MAPK6: variants seen among roughly 807,000 people sequenced by gnomAD.
MAPK6 encodes mitogen-activated protein kinase 6.
In MAPK6, 19 loss-of-function variants were observed where a neutral mutation model predicts 59.3. The ratio of observed to expected loss-of-function variants is 0.32; its 90% CI spans 0.22 to 0.47. MAPK6 has a LOEUF of 0.47. MAPK6 is among the 20% of genes least tolerant of loss of function. The pLI, the probability that MAPK6 is intolerant of heterozygous loss-of-function variation, is 1.00. For synonymous variants in MAPK6, 316 were observed against 290.3 expected, an observed-to-expected ratio of 1.09 and a Z score of -0.90; for missense variants, 724 against 847.9, an observed-to-expected ratio of 0.85 and a Z score of 1.81.
rs964775744 is a variant in MAPK6, at chr15:51,998,687, A to ATTTTTTTTTTTTTTTTTTTTTTTTTTT, written c.-769-5557_-769-5556insTTTTTTTTTTTTTTTTTTTTTTTTTTT. Reference sequence around the variant, plus strand: ...AGGCGTGCGCCACCATGCCTGGTTAATTTTTTTTTTTTTTTTTTTTTGAGA... The same window carrying ATTTTTTTTTTTTTTTTTTTTTTTTTTT: ...AGGCGTGCGCCACCATGCCTGGTTAATTTTTTTTTTTTTTTTTTTTTTTTTTTTTTTTTTTTTTTTTTTTTTTTGAGA... On this transcript the variant is annotated intron_variant, in intron 2 of 7. Transcript: ENST00000691380. Among the ~76,000 whole-genome samples the ATTTTTTTTTTTTTTTTTTTTTTTTTTT allele has an allele frequency of 2.1e-4, 8 of 38,494 alleles. 2 individuals are homozygous for ATTTTTTTTTTTTTTTTTTTTTTTTTTT. Among genetic ancestry groups the ATTTTTTTTTTTTTTTTTTTTTTTTTTT allele is most frequent in the Non-Finnish European group, 3.3e-4 (7 of 21,536 alleles). 25.3% of individuals were successfully genotyped at this position (38,494 alleles called of 152,430 possible).
At position 52,020,554 on chromosome 15, in the gene MAPK6, C is replaced by T. The variant is rs370199241; in HGVS notation, c.-632+1178C>T. Among the ~76,000 whole-genome samples, 42 of 152,104 alleles carry T rather than the reference C, an allele frequency of 2.8e-4. 4 individuals carry two copies. The highest frequency in any genetic ancestry group is 1.9e-3 in the South Asian group (9 of 4,822). ...CAGCTTCAGAGTAATTTTCTGATGG[C>T]TGATTCTTCTAGCCTGTCTCTTACA... On this transcript the variant is annotated intron_variant, in intron 1 of 5. Coordinates refer to ENST00000261845, the MANE Select transcript of MAPK6 (RefSeq NM_002748.4).
At chr15:52,018,037 A>T, upstream of MAPK6, 1 of 148,848 alleles carries the variant, frequency 6.7e-6, no homozygotes, top group South Asian at 2.1e-4. Flanking sequence ...TTACTCTGTG[A>T]TTTTTTTTTT....
intron 1 of MAPK6, among the ~76,000 whole-genome samples, chr15:52,036,161 G>A (rs1460466330): frequency 1.3e-5 from 2 of 152,100 alleles, no homozygotes; most frequent in Admixed American, 6.6e-5. Context: ...GCAAGACCTT[G>A]TCTCTTAAAA....
At chr15:52,001,543 C>T (rs2057241982) in intron 2 of MAPK6, among the ~76,000 whole-genome samples, 1 of 138,368 alleles carries the variant, frequency 7.2e-6, no homozygotes, top group African/African-American at 2.7e-5. Context: ...GAGTCCCACT[C>T]TGTCACCCAG....
intron 1 of MAPK6, among the ~76,000 whole-genome samples, chr15:52,025,135 T>C (rs2030717571): frequency 6.6e-6 from 1 of 152,068 alleles, no homozygotes; most frequent in Non-Finnish European, 1.5e-5. Context: ...CAGCTACTTA[T>C]GAGGCTGAGA....
intron 1 of MAPK6, among the ~76,000 whole-genome samples, chr15:52,032,406 T>G (rs946524797): frequency 1.0e-4 from 15 of 149,142 alleles, no homozygotes; most frequent in African/African-American, 3.7e-4. Context: ...GCCAGGCTGG[T>G]CTTGAACTCC....
At chr15:51,987,194 A>G (rs1008804421) in intron 2 of MAPK6, among the ~76,000 whole-genome samples, 1 of 152,194 alleles carries the variant, frequency 6.6e-6, no homozygotes, top group Non-Finnish European at 1.5e-5. Context: ...AAAAGTCTAG[A>G]TTACTTTTAT....
intron 1 of MAPK6, among the ~76,000 whole-genome samples, chr15:52,038,124 G>T (rs2031302685): frequency 6.8e-6 from 1 of 147,964 alleles, no homozygotes; most frequent in African/African-American, 2.5e-5. Context: ...TGTGCTCCAG[G>T]AGTAATAATG....
intron 5 of MAPK6, among the ~76,000 whole-genome samples, chr15:52,063,145 A>G (rs1037185397): frequency 6.6e-6 from 1 of 152,022 alleles, no homozygotes; most frequent in Non-Finnish European, 1.5e-5. Context: ...CTCTCTGCTC[A>G]CTGCAACCTC....
chr15:52,002,975 T>G (rs1387840153), intron 2 of MAPK6, among the ~76,000 whole-genome samples: 1 of 151,956 alleles, frequency 6.6e-6, no homozygotes, highest in African/African-American at 2.4e-5. Context: ...GATCACAAGG[T>G]CAGGAGTTTG....
At chr15:52,049,879 C>T (rs1183099357) in intron 2 of MAPK6, 114 bp from the exon 3 acceptor site, 1 of 956,792 alleles carries the variant, frequency 1.0e-6, no homozygotes. Context: ...TCCCAAAATG[C>T]TGGGATTACA....
At chr15:52,017,371 A>C (rs1372259919), upstream of MAPK6, 1 of 152,204 alleles carries the variant, frequency 6.6e-6, no homozygotes, top group African/African-American at 2.4e-5. Context: ...GAATCTTCTT[A>C]AGGATGGGGG....
intron 3 of MAPK6, among the ~76,000 whole-genome samples, chr15:52,010,818 G>A (rs919930207): frequency 3.3e-5 from 5 of 152,098 alleles, no homozygotes; most frequent in African/African-American, 4.8e-5. Flanking sequence ...CGCGCCTGGC[G>A]GAGGGGATAC....
intron 4 of MAPK6, among the ~76,000 whole-genome samples, chr15:52,059,386 C>T (rs1314086736): frequency 6.6e-6 from 1 of 152,158 alleles, no homozygotes; most frequent in Non-Finnish European, 1.5e-5. Context: ...CCTCAGCCTC[C>T]CACAGTGGTA....
chr15:52,057,573 G>T (rs1357864519), intron 3 of MAPK6, among the ~76,000 whole-genome samples: 1 of 145,898 alleles, frequency 6.9e-6, no homozygotes. Flanking sequence ...AAAAAAAAAT[G>T]TCTTATTGTT....
At chr15:52,051,136 C>T (rs975857323) in intron 3 of MAPK6, among the ~76,000 whole-genome samples, 9 of 152,092 alleles carry the variant, frequency 5.9e-5, no homozygotes, top group Non-Finnish European at 1.2e-4. Flanking sequence ...CTGCTCACTG[C>T]AAGCTCCGCC....
chr15:52,011,630 T>A (rs2030061512), intron 3 of MAPK6, among the ~76,000 whole-genome samples: 1 of 152,194 alleles, frequency 6.6e-6, no homozygotes, highest in Non-Finnish European at 1.5e-5. Context: ...GATGAGAATG[T>A]TGTGCCAGAG....
rs1036940376 is a variant in MAPK6, at chr15:52,050,117, C to G, written c.680C>G (p.Thr227Ser). The G allele has an allele frequency of 1.9e-6, 3 of 1,609,470 alleles. No individual in the cohort carries two copies. The highest frequency in any genetic ancestry group is 2.5e-6 in the Non-Finnish European group (3 of 1,179,056). ...AAGCIFAEMLTGKTLFAGAHE... is the reference protein window; with the variant it reads ...AAGCIFAEMLSGKTLFAGAHE... Reference sequence around the variant, plus strand: ...GGCTGCATCTTTGCTGAAATGCTGACTGGTAAAACCCTTTTTGCAGGTTAG... The same window carrying G: ...GGCTGCATCTTTGCTGAAATGCTGAGTGGTAAAACCCTTTTTGCAGGTTAG... Residue 227 changes from threonine to serine, a missense_variant, in exon 3 of 6, where the codon ACT (threonine) becomes AGT (serine). Physicochemically the swap from Thr to Ser is moderately conservative, Grantham distance 58. Around this residue, in one of 4 missense-constraint regions of MAPK6, gnomAD observed 105 missense variants for 191.9 expected, o/e 0.55. Transcript: ENST00000261845.
intron 2 of MAPK6, among the ~76,000 whole-genome samples, chr15:51,985,398 C>T (rs2057187573): frequency 6.6e-6 from 1 of 151,850 alleles, no homozygotes; most frequent in Non-Finnish European, 1.5e-5. Context: ...CTCACATCTA[C>T]AATCCCAACA....
Sources: gnomAD v4.1 joint callset for allele counts (sites outside exome capture counted in the v4.1 genomes callset) on GRCh38, gnomAD v4.1.1 for gene constraint, gnomAD v4.1.1 regional missense constraint, MANE v1.5 for transcripts, NCBI Gene and HGNC (gene_info 2026-07-23, HGNC 2026-07-21) for gene names.